Variants in CATSPERB observed in about 807,000 individuals in gnomAD.
CATSPERB encodes catsper channel auxiliary subunit beta, also known as cation channel sperm-associated auxiliary subunit beta.
In CATSPERB, 93 loss-of-function variants were observed where a neutral mutation model predicts 128.3. The observed-to-expected ratio is 0.72, with a 90% CI of 0.61 to 0.86. The LOEUF (loss-of-function observed/expected upper bound fraction) is 0.86. Ranked by LOEUF, CATSPERB falls within the 40% of genes least tolerant of loss-of-function variation. The pLI, the probability that CATSPERB is intolerant of heterozygous loss-of-function variation, is 0.00. For missense variants in CATSPERB, 1,153 were observed against 1,329.5 expected, an observed-to-expected ratio of 0.87 and a Z score of 2.06; for synonymous variants, 381 against 448.8, an observed-to-expected ratio of 0.85 and a Z score of 1.91.
chr14:91,586,991 T>G (rs187755220), intron 26 of CATSPERB, among the ~76,000 whole-genome samples: 83 of 152,336 alleles, frequency 5.4e-4, no homozygotes, highest in African/African-American at 1.9e-3. Flanking sequence ...TTATTAAAAT[T>G]CTGGCAGCAT....
At chr14:91,699,348 A>G (rs933593771) in intron 7 of CATSPERB, among the ~76,000 whole-genome samples, 60 of 152,240 alleles carry the variant, frequency 3.9e-4, no homozygotes, top group Middle Eastern at 3.4e-3. Context: ...CCTTTCCCCC[A>G]CATCCATACT....
chr14:91,629,908 G>A (rs141964215), intron 17 of CATSPERB, among the ~76,000 whole-genome samples: 1 of 152,282 alleles, frequency 6.6e-6, no homozygotes, highest in East Asian at 1.9e-4. Context: ...AATTTTAGAG[G>A]TGGAGAGGAA....
intron 2 of CATSPERB, among the ~76,000 whole-genome samples, chr14:91,727,502 C>T (rs1010206861): frequency 6.6e-6 from 1 of 152,130 alleles, no homozygotes; most frequent in African/African-American, 2.4e-5. Context: ...GTAAACATAT[C>T]TTTACAAATA....
Position 91,612,012 on chromosome 14 carries a change from TTTTCTTTCTTTC to T in CATSPERB, c.2401-1347_2401-1336del, listed in dbSNP as rs71120177. ...ATAAAATAACTTTGATTGTTTACTG[TTTTCTTTCTTTC>T]TTTCTTTCTTTCTTTCTTTCTTTCT... On this transcript the variant is annotated intron_variant, in intron 20 of 26. Coordinates refer to ENST00000256343, the MANE Select transcript of CATSPERB (RefSeq NM_024764.4). 3.8e-3 allele frequency among the ~76,000 whole-genome samples: 503 copies of T among 133,028 alleles called. 3 individuals are homozygous for T. Among genetic ancestry groups the T allele is most frequent in the African/African-American group, 8.5e-3 (292 of 34,274 alleles). 87.3% of individuals were successfully genotyped at this position (133,028 alleles called of 152,430 possible). A position where few individuals can be genotyped will look rare whatever the true frequency, so the allele number is the denominator to read the frequency against.
At chr14:91,725,228 AC>A in intron 2 of CATSPERB, 60 bp from the exon 3 acceptor site, 5 of 686,456 alleles carry the variant, frequency 7.3e-6, no homozygotes, top group Non-Finnish European at 1.1e-5. Flanking sequence ...CATAAAAAGT[AC>A]CATGTTTCTA....
chr14:91,605,461 G>A lies in CATSPERB; in HGVS notation c.2709+2833C>T, dbSNP rs1595142665. The A allele has an allele frequency of 3.6e-5, 16 of 449,638 alleles. No individual in the cohort carries two copies. In the East Asian group the frequency reaches 5.6e-4, roughly 16 times the overall value. 27.9% of individuals were successfully genotyped at this position (449,638 alleles called of 1,614,324 possible). On this transcript the variant is annotated intron_variant, in intron 22 of 26. Transcript: ENST00000256343. ...GTATCAAGAGGTTGGGATGAAGTGA[G>A]TCGCCGCCACAGTAACCATCATGTT...
intron 11 of CATSPERB, among the ~76,000 whole-genome samples, chr14:91,678,809 A>AT (rs1026497324): frequency 6.8e-4 from 104 of 152,138 alleles, no homozygotes; most frequent in African/African-American, 2.2e-3. Context: ...TGTTTGTATG[A>AT]TTTTTTTTGA....
At chr14:91,605,000 A>G in intron 22 of CATSPERB, 7 of 1,161,682 alleles carry the variant, frequency 6.0e-6, no homozygotes, top group Non-Finnish European at 9.1e-6. Flanking sequence ...GAGTACAAAC[A>G]GCTGTGTGGA....
intron 15 of CATSPERB, among the ~76,000 whole-genome samples, chr14:91,659,120 T>C (rs553938975): frequency 6.6e-6 from 1 of 152,176 alleles, no homozygotes; most frequent in Admixed American, 6.5e-5. Flanking sequence ...GAGGATGGCA[T>C]AGTTAACACT....
intron 17 of CATSPERB, among the ~76,000 whole-genome samples, chr14:91,631,263 C>T: frequency 6.6e-6 from 1 of 152,208 alleles, no homozygotes; most frequent in East Asian, 1.9e-4. Context: ...CTCAAATATT[C>T]ATTGAATGAA....
At chr14:91,624,311 A>G (rs577578802) in intron 18 of CATSPERB, among the ~76,000 whole-genome samples, 5 of 152,352 alleles carry the variant, frequency 3.3e-5, no homozygotes, top group Admixed American at 3.3e-4. Flanking sequence ...GTGAAACCCC[A>G]TCTCTACTAA....
At chr14:91,688,326 G>A (rs1895411199) in intron 10 of CATSPERB, among the ~76,000 whole-genome samples, 1 of 152,154 alleles carries the variant, frequency 6.6e-6, no homozygotes, top group African/African-American at 2.4e-5. Context: ...CCAGTGAGGT[G>A]TATTTTGCTT....
At chr14:91,657,756 C>G (rs1006132680) in intron 15 of CATSPERB, among the ~76,000 whole-genome samples, 1 of 152,028 alleles carries the variant, frequency 6.6e-6, no homozygotes, top group Non-Finnish European at 1.5e-5. Flanking sequence ...GGCAGACAGG[C>G]GTATGAAAAG....
intron 22 of CATSPERB, among the ~76,000 whole-genome samples, chr14:91,598,431 T>C (rs1741326118): frequency 6.6e-6 from 1 of 152,180 alleles, no homozygotes; most frequent in African/African-American, 2.4e-5. Flanking sequence ...ATGACCAGTT[T>C]GTCTACAAGT....
chr14:91,626,295 T>C (rs1258556225), intron 17 of CATSPERB, among the ~76,000 whole-genome samples: 1 of 151,944 alleles, frequency 6.6e-6, no homozygotes, highest in Non-Finnish European at 1.5e-5. Flanking sequence ...ATGGTTTTAA[T>C]GTATTCCTCA....
chr14:91,596,799 AT>A (rs1366374518), intron 22 of CATSPERB, among the ~76,000 whole-genome samples: 1 of 152,200 alleles, frequency 6.6e-6, no homozygotes, highest in East Asian at 1.9e-4. Context: ...TTCCTGTATA[AT>A]TTTTACACCA....
chr14:91,701,282 T>G (rs2139852208), intron 7 of CATSPERB, among the ~76,000 whole-genome samples: 1 of 152,272 alleles, frequency 6.6e-6, no homozygotes, highest in South Asian at 2.1e-4. Flanking sequence ...ACAGGAGTAG[T>G]GATTAAGCAG....
intron 11 of CATSPERB, among the ~76,000 whole-genome samples, chr14:91,675,018 CTT>C (rs1895167705): frequency 6.6e-6 from 1 of 152,268 alleles, no homozygotes; most frequent in Admixed American, 6.5e-5. Context: ...ATAAAAGTCA[CTT>C]TCCTTTCACT....
intron 22 of CATSPERB, among the ~76,000 whole-genome samples, chr14:91,600,404 T>C (rs1893589566): frequency 1.3e-5 from 2 of 152,222 alleles, no homozygotes; most frequent in Non-Finnish European, 2.9e-5. Context: ...TGGCTGTTTA[T>C]ATATCTTCTG....
Sources: allele counts gnomAD v4.1 joint callset (sites outside exome capture counted in the v4.1 genomes callset), GRCh38; gene constraint gnomAD v4.1.1; transcripts MANE v1.5; gene names NCBI Gene and HGNC (gene_info 2026-07-23, HGNC 2026-07-21).